The following MARCHF7 variants were observed in gnomAD, a reference collection of about 807,000 sequenced individuals.
The protein encoded by MARCHF7 is membrane associated ring-CH-type finger 7, also known as E3 ubiquitin-protein ligase MARCHF7.
Under a neutral mutation model 76.5 loss-of-function variants are expected in MARCHF7, and 20 were observed. The observed-to-expected ratio is 0.26, with a 90% CI of 0.18 to 0.38. The LOEUF (loss-of-function observed/expected upper bound fraction) is 0.38. MARCHF7 is among the 10% of genes least tolerant of loss of function. The pLI, the probability that MARCHF7 is intolerant of heterozygous loss-of-function variation, is 1.00. For synonymous variants in MARCHF7, 295 were observed against 293.0 expected (o/e 1.01, Z -0.07); for missense variants, 797 against 812.9 (o/e 0.98, Z 0.24).
chr2:159,755,434 A>C (rs1050878418), intron 8 of MARCHF7, among the ~76,000 whole-genome samples: 3 of 152,158 alleles, frequency 2.0e-5, no homozygotes, highest in African/African-American at 7.2e-5. Context: ...TGCTGAAGTC[A>C]TTAATGAATG....
chr2:159,752,018 TGAA>T (rs1049025510), intron 7 of MARCHF7, among the ~76,000 whole-genome samples: 8 of 152,308 alleles, frequency 5.3e-5, no homozygotes, highest in African/African-American at 1.7e-4. Flanking sequence ...CTGTTGGACT[TGAA>T]GTAGTCTGGA....
intron 8 of MARCHF7, among the ~76,000 whole-genome samples, chr2:159,752,933 C>T (rs925147509): frequency 6.6e-6 from 1 of 152,158 alleles, no homozygotes; most frequent in Admixed American, 6.5e-5. Flanking sequence ...GCTGTTGTGT[C>T]ACTTGGCAAA....
At chr2:159,724,129 T>G (rs1701921545) in intron 3 of MARCHF7, among the ~76,000 whole-genome samples, 1 of 152,260 alleles carries the variant, frequency 6.6e-6, no homozygotes, top group African/African-American at 2.4e-5. Flanking sequence ...AAACATGTTC[T>G]GTTCTCCACT....
At chr2:159,720,143 A>G (rs1004544358) in intron 3 of MARCHF7, among the ~76,000 whole-genome samples, 5 of 152,030 alleles carry the variant, frequency 3.3e-5, no homozygotes, top group Non-Finnish European at 4.4e-5. Flanking sequence ...CTCCTTCCTC[A>G]GCCTCCCAGG....
At chr2:159,741,422 C>A (rs750483224) in intron 4 of MARCHF7, among the ~76,000 whole-genome samples, 3 of 151,200 alleles carry the variant, frequency 2.0e-5, no homozygotes, top group Non-Finnish European at 2.9e-5. Flanking sequence ...TTTGTAATGT[C>A]TTTTTTCATT....
chr2:159,761,621 A>G (rs1040751824), intron 9 of MARCHF7, among the ~76,000 whole-genome samples: 13 of 151,446 alleles, frequency 8.6e-5, no homozygotes, highest in Admixed American at 4.0e-4. Flanking sequence ...CGTGTTGGCC[A>G]GGCTGTTCTT....
At chr2:159,731,313 T>C (rs1702759642) in intron 4 of MARCHF7, among the ~76,000 whole-genome samples, 1 of 152,208 alleles carries the variant, frequency 6.6e-6, no homozygotes, top group African/African-American at 2.4e-5. Context: ...TACTGTTGCA[T>C]GTTTTTTATA....
At position 159,759,353 on chromosome 2, in the gene MARCHF7, A is replaced by G. The variant is rs762443584; in HGVS notation, c.1893+18A>G. ...ATGAACAAGTTAGTATATTTTGCCT[A>G]ATTTGGTAAGTGTCTATTCTATGCT... On this transcript the variant is annotated intron_variant, in intron 9 of 11. Coordinates refer to ENST00000409175, the MANE Select transcript of MARCHF7 (RefSeq NM_001282805.2). The G allele has an allele frequency of 7.7e-6, 11 of 1,429,704 alleles. No homozygotes were observed. The highest frequency in any genetic ancestry group is 1.8e-4 in the Middle Eastern group (1 of 5,654). The allele number at this position is 1,429,704 out of a possible 1,614,324, so 88.6% of individuals were successfully genotyped here.
chr2:159,765,206 G>GTTTT, intron 11 of MARCHF7, among the ~76,000 whole-genome samples: 1 of 150,228 alleles, frequency 6.7e-6, no homozygotes, highest in African/African-American at 2.4e-5. Context: ...GTGGTAGTGG[G>GTTTT]TTTTTTTTTG....
intron 4 of MARCHF7, among the ~76,000 whole-genome samples, chr2:159,735,264 A>G (rs1703313102): frequency 6.6e-6 from 1 of 152,230 alleles, no homozygotes; most frequent in African/African-American, 2.4e-5. Flanking sequence ...ATTCTGGGCT[A>G]GTTTCTGTTC....
In MARCHF7 at chr2:159,712,529, G is replaced by A. The variant is rs1302438983; in HGVS notation, c.-220G>A. The A allele has an allele frequency of 6.5e-6, 1 of 152,812 alleles. No homozygotes were observed. Among genetic ancestry groups the A allele is most frequent in the African/African-American group, 2.4e-5 (1 of 41,464 alleles). 9.5% of individuals were successfully genotyped at this position (152,812 alleles called of 1,614,324 possible). On this transcript the variant is annotated 5_prime_UTR_variant, in exon 1 of 12. Coordinates refer to ENST00000409175, the MANE Select transcript of MARCHF7 (RefSeq NM_001282805.2). Reference sequence around the variant, plus strand: ...CTGGTTCTGCGCCGGATCCGGGAGAGGGGCGGGCGCCATTGTGCTTCGCTG... The same window carrying A: ...CTGGTTCTGCGCCGGATCCGGGAGAAGGGCGGGCGCCATTGTGCTTCGCTG...
At chr2:159,727,900 T>G (rs192903507) in intron 3 of MARCHF7, among the ~76,000 whole-genome samples, 19 of 152,358 alleles carry the variant, frequency 1.2e-4, no homozygotes, top group Admixed American at 3.9e-4. Context: ...TAGAAATGTT[T>G]AGTGAGGAAA....
intron 3 of MARCHF7, among the ~76,000 whole-genome samples, chr2:159,726,147 G>A (rs187828109): frequency 6.6e-6 from 1 of 152,318 alleles, no homozygotes; most frequent in East Asian, 1.9e-4. Flanking sequence ...ATTTGCCAGA[G>A]AATAAATATC....
At chr2:159,718,794 A>G (rs1701308770) in intron 3 of MARCHF7, among the ~76,000 whole-genome samples, 1 of 152,108 alleles carries the variant, frequency 6.6e-6, no homozygotes, top group Non-Finnish European at 1.5e-5. Flanking sequence ...AGTACCCCAA[A>G]TTCTACTAGA....
chr2:159,716,121 AAGTT>A (rs1480078853), intron 3 of MARCHF7, among the ~76,000 whole-genome samples: 3 of 149,614 alleles, frequency 2.0e-5, no homozygotes, highest in African/African-American at 5.1e-5. Flanking sequence ...TGTCAGCTAA[AAGTT>A]AGTTAAGGGA....
At chr2:159,726,218 G>GGTTTGGTTTTGTTTT (rs374897190) in intron 3 of MARCHF7, among the ~76,000 whole-genome samples, 4 of 127,856 alleles carry the variant, frequency 3.1e-5, no homozygotes, top group Non-Finnish European at 7.0e-5. Context: ...TCCAGATACA[G>GGTTTGGTTTTGTTTT]GTTTTGTTTT....
intron 3 of MARCHF7, among the ~76,000 whole-genome samples, chr2:159,723,477 C>A (rs1701844681): frequency 6.6e-6 from 1 of 152,210 alleles, no homozygotes; most frequent in African/African-American, 2.4e-5. Context: ...AGGAAAAGAG[C>A]AGTCCTTTTC....
intron 3 of MARCHF7, among the ~76,000 whole-genome samples, chr2:159,726,424 G>A (rs1391315225): frequency 6.6e-6 from 1 of 152,014 alleles, no homozygotes; most frequent in Non-Finnish European, 1.5e-5. Context: ...TACCACGGCC[G>A]GCTAATTTTT....
At chr2:159,726,711 T>G (rs1702214952) in intron 3 of MARCHF7, among the ~76,000 whole-genome samples, 1 of 152,220 alleles carries the variant, frequency 6.6e-6, no homozygotes, top group Non-Finnish European at 1.5e-5. Context: ...TTGGATATAT[T>G]CATAATGTTG....
Sources: gnomAD v4.1 joint callset for allele counts (sites outside exome capture counted in the v4.1 genomes callset) on GRCh38, gnomAD v4.1.1 for gene constraint, MANE v1.5 for transcripts, NCBI Gene and HGNC (gene_info 2026-07-23, HGNC 2026-07-21) for gene names.